Variants in KIFC3 observed in about 807,000 individuals in gnomAD.
KIFC3 encodes kinesin family member C3, also known as kinesin-like protein KIFC3.
Under a neutral mutation model 101.8 loss-of-function variants are expected in KIFC3, and 60 were observed. The ratio of observed to expected loss-of-function variants is 0.59; its 90% confidence interval spans 0.48 to 0.73. The LOEUF is 0.73. Ranked by LOEUF, KIFC3 falls within the 30% of genes least tolerant of loss-of-function variation. The probability of loss-of-function intolerance (pLI) is 0.00; values close to 1 mark genes in which losing one functional copy is unlikely to be tolerated. For missense variants in KIFC3, 966 were observed against 1,137.1 expected (o/e 0.85, Z 2.16); for synonymous variants, 476 against 482.7 (o/e 0.99, Z 0.18).
At chr16:57,795,876 G>GATT (rs2054254917) in intron 2 of KIFC3, among the ~76,000 whole-genome samples, 1 of 117,622 alleles carries the variant, frequency 8.5e-6, no homozygotes, top group Non-Finnish European at 1.7e-5. Flanking sequence ...GTTTTTTTGG[G>GATT]CTTTTTTGTT....
Position 57,758,850 on chromosome 16 carries a change from G to C in KIFC3, c.*84C>G. ...CGCTGCAGCAGGGACAGGCCAGTGA[G>C]GGCCCAGCTTCAGGCCCAGCGGGGT... On this transcript the variant is annotated 3_prime_UTR_variant, in exon 20 of 20. Coordinates refer to ENST00000445690, the MANE Select transcript of KIFC3 (RefSeq NM_001130100.2). 1 of 1,609,364 alleles carries C rather than the reference G, an allele frequency of 6.2e-7. No homozygotes were observed. Among genetic ancestry groups the C allele is most frequent in the Non-Finnish European group, 8.5e-7 (1 of 1,177,962 alleles).
In KIFC3 at chr16:57,771,603, GGCCTCACAGC is replaced by G. The variant is rs1567975316; in HGVS notation, c.455_464del (p.Arg152ProfsTer47). On this transcript the variant is annotated frameshift_variant, in exon 5 of 20. Transcript: ENST00000445690. LOFTEE classifies it high-confidence loss of function. ...GCTTTGTGCGCAGCTCTTGCAGCTC[GGCCTCACAGC>G]GCCGCATCTCCTGCCTCAGTCGCTC... is the stretch of plus-strand genomic sequence containing the variant. The G allele has an allele frequency of 6.2e-7, 1 of 1,613,424 alleles. No homozygotes were observed. Among genetic ancestry groups the G allele is most frequent in the South Asian group, 1.1e-5 (1 of 91,080 alleles).
chr16:57,823,796 TG>T (rs2055403915), intron 1 of KIFC3, among the ~76,000 whole-genome samples: 2 of 151,616 alleles, frequency 1.3e-5, no homozygotes, highest in South Asian at 2.1e-4. Context: ...TGTGTGTGTG[TG>T]TGTGTGTTTT....
intron 3 of KIFC3, among the ~76,000 whole-genome samples, chr16:57,778,587 A>T (rs535341715): frequency 1.1e-4 from 16 of 152,298 alleles, no homozygotes; most frequent in South Asian, 2.1e-4. Flanking sequence ...CAACAACAAC[A>T]AACCCAATTT....
In KIFC3 at chr16:57,765,506, A is replaced by T. The variant is rs1294284162; in HGVS notation, c.1465T>A (p.Ser489Thr). ...IHLLHKGKPV[S>T]FELDKVFSPQ... ...GAGAAGACCTTGTCCAGCTCGAAGG[A>T]CACAGGCTTGCCCTTGTGCAGCAGG... Residue 489 changes from serine (S) to threonine (T), a missense_variant, in exon 11 of 20, where the codon TCC becomes ACC. Physicochemically the swap from Ser to Thr is moderately conservative, Grantham distance 58. Transcript: ENST00000445690. 6.3e-7 allele frequency: 1 copy of T among 1,591,244 alleles called. No individual in the cohort carries two copies. The highest frequency in any genetic ancestry group is 1.3e-5 in the African/African-American group (1 of 74,822).
At chr16:57,810,614 C>T (rs992206489) in intron 1 of KIFC3, 30 of 980,098 alleles carry the variant, frequency 3.1e-5, no homozygotes, top group African/African-American at 3.5e-5. Context: ...GACAAACTTC[C>T]ATCCACCCCA....
chr16:57,853,114 T>C (rs1236108225), intron 1 of KIFC3, among the ~76,000 whole-genome samples: 3 of 152,116 alleles, frequency 2.0e-5, no homozygotes, highest in African/African-American at 7.2e-5. Flanking sequence ...TAAAATGGTA[T>C]ACTAAAAGTA....
At chr16:57,844,365 G>A (rs1315954050) in intron 1 of KIFC3, among the ~76,000 whole-genome samples, 2 of 151,008 alleles carry the variant, frequency 1.3e-5, no homozygotes, top group African/African-American at 4.9e-5. Context: ...GGGAGGCGGA[G>A]GTTGCAGTGA....
intron 1 of KIFC3, among the ~76,000 whole-genome samples, chr16:57,847,683 A>T (rs1171324224): frequency 6.6e-6 from 1 of 151,968 alleles, no homozygotes; most frequent in African/African-American, 2.4e-5. Context: ...GCGTAAGAGA[A>T]CATTGAGACT....
intron 1 of KIFC3, among the ~76,000 whole-genome samples, chr16:57,851,477 TG>T (rs1388189985): frequency 1.3e-5 from 2 of 152,212 alleles, no homozygotes; most frequent in Admixed American, 6.5e-5. Flanking sequence ...ATCTGGAGAT[TG>T]TCTTGGTTTT....
chr16:57,802,559 C>A, upstream of KIFC3: 4 of 991,124 alleles, frequency 4.0e-6, no homozygotes, highest in Non-Finnish European at 4.8e-6. This position sits in a 1 kb window ranked among gnomAD's most constrained non-coding sequence, Gnocchi z 5.0. Flanking sequence ...CCGGCTCCGA[C>A]CCCGGCGGGG....
chr16:57,804,235 T>C (rs138195087), upstream of KIFC3, among the ~76,000 whole-genome samples: 1,064 of 152,332 alleles, frequency 7.0e-3, 11 homozygotes, highest in African/African-American at 0.024. Flanking sequence ...TCTTTTTTTT[T>C]CCTGTGTACA....
intron 3 of KIFC3, among the ~76,000 whole-genome samples, chr16:57,792,240 C>G (rs1198732624): frequency 4.6e-5 from 7 of 152,172 alleles, no homozygotes; most frequent in South Asian, 2.1e-4. Context: ...TTGGCAGCAT[C>G]CCCAGATAGC....
chr16:57,759,849 A>G lies in KIFC3; in HGVS notation c.2368-13T>C. 2 of 1,597,894 alleles carry G rather than the reference A, an allele frequency of 1.3e-6. No homozygotes were observed. Among genetic ancestry groups the G allele is most frequent in the Non-Finnish European group, 1.7e-6 (2 of 1,171,990 alleles). On this transcript the variant is annotated splice_polypyrimidine_tract_variant and intron_variant, in intron 17 of 19. Transcript: ENST00000445690. ...AAGCCGGCTCCCACTGTGAGCAGGG[A>G]AGGGCGGATGGGCGGGGGCCACGGC...
chr16:57,837,541 GAA>G (rs1491200162), intron 1 of KIFC3, among the ~76,000 whole-genome samples: 1 of 65,854 alleles, frequency 1.5e-5, no homozygotes, highest in Non-Finnish European at 3.7e-5. Flanking sequence ...GAAAGAAAGA[GAA>G]AGGAAGGAAG....
intron 1 of KIFC3, among the ~76,000 whole-genome samples, chr16:57,855,194 G>A (rs2056141481): frequency 7.0e-6 from 1 of 142,052 alleles, no homozygotes; most frequent in South Asian, 2.2e-4. Context: ...GTGTCATCTT[G>A]GCTCACTGAA....
At chr16:57,796,429 G>A (rs1463430539) in intron 2 of KIFC3, among the ~76,000 whole-genome samples, 1 of 152,208 alleles carries the variant, frequency 6.6e-6, no homozygotes, top group Non-Finnish European at 1.5e-5. Context: ...AAGCCTGGAA[G>A]GGTTAACAAT....
chr16:57,765,591 C>A lies in KIFC3; in HGVS notation c.1380G>T (p.Gly460=). 1 of 1,611,550 alleles carries A rather than the reference C, an allele frequency of 6.2e-7. No homozygotes were observed. Among genetic ancestry groups the A allele is most frequent in the Non-Finnish European group, 8.5e-7 (1 of 1,178,894 alleles). Residue 460 remains glycine (G), a synonymous_variant, in exon 11 of 20, where the codon GGG becomes GGT. Transcript: ENST00000445690. ...CAGCATTGGTGGCCTCAGGTCCTTC[C>A]CCATCCTCTTTGGTGACTGGCCGGA... The part of the protein sequence containing the change: ...ARVRPVTKED[G]EGPEATNAVT...
chr16:57,837,579 AAG>A (rs1198181298), intron 1 of KIFC3, among the ~76,000 whole-genome samples: 133 of 151,622 alleles, frequency 8.8e-4, no homozygotes, highest in African/African-American at 3.2e-3. Flanking sequence ...GAAAGAAAGA[AAG>A]AGTAGCAGTA....
Sources: gnomAD v4.1 joint callset for allele counts (sites outside exome capture counted in the v4.1 genomes callset) on GRCh38, gnomAD v4.1.1 for gene constraint, Gnocchi (gnomAD v3.1) non-coding constraint, MANE v1.5 for transcripts, NCBI Gene and HGNC (gene_info 2026-07-23, HGNC 2026-07-21) for gene names.